GPR39: variants seen among roughly 807,000 people sequenced by gnomAD.
The protein encoded by GPR39 is zinc sensing receptor.
In GPR39, 23 loss-of-function variants were observed where a neutral mutation model predicts 18.4. The ratio of observed to expected loss-of-function variants is 1.25; its 90% CI spans 0.90 to 1.77. GPR39 has a LOEUF of 1.77. Ranked by LOEUF, GPR39 falls within the 40% of genes most tolerant of loss-of-function variation. The probability of loss-of-function intolerance (pLI) is 0.00; values close to 1 mark genes in which losing one functional copy is unlikely to be tolerated. For missense variants in GPR39, 647 were observed against 602.4 expected, an observed-to-expected ratio of 1.07 and a Z score of -0.78; for synonymous variants, 280 against 257.9, an observed-to-expected ratio of 1.09 and a Z score of -0.82.
chr2:132,574,039 TATC>T (rs1273331190), intron 1 of GPR39, among the ~76,000 whole-genome samples: 1 of 152,246 alleles, frequency 6.6e-6, no homozygotes. Flanking sequence ...ATTTTTATCA[TATC>T]ATGAACATTG....
intron 1 of GPR39, among the ~76,000 whole-genome samples, chr2:132,563,591 G>T (rs7561885): frequency 6.6e-6 from 1 of 151,766 alleles, no homozygotes; most frequent in East Asian, 1.9e-4. Context: ...GGATTATGGT[G>T]AATGTGACCA....
intron 1 of GPR39, among the ~76,000 whole-genome samples, chr2:132,462,939 CT>C (rs1446551640): frequency 1.3e-5 from 2 of 152,226 alleles, no homozygotes; most frequent in Non-Finnish European, 2.9e-5. Flanking sequence ...TGATTCTGCT[CT>C]TTTCAGCCTT....
intron 1 of GPR39, among the ~76,000 whole-genome samples, chr2:132,492,939 C>T (rs1285036751): frequency 2.2e-5 from 3 of 138,332 alleles, no homozygotes; most frequent in African/African-American, 5.4e-5. Flanking sequence ...ACCATATATA[C>T]ACACCATATA....
At chr2:132,570,796 A>G (rs1478723091) in intron 1 of GPR39, among the ~76,000 whole-genome samples, 2 of 152,138 alleles carry the variant, frequency 1.3e-5, no homozygotes, top group Admixed American at 1.3e-4. Context: ...TCCCTGAGGC[A>G]GCAGCCTAGA....
chr2:132,588,506 G>A (rs1680770745), intron 1 of GPR39, among the ~76,000 whole-genome samples: 1 of 152,318 alleles, frequency 6.6e-6, no homozygotes, highest in African/African-American at 2.4e-5. Context: ...GGGCTGACTT[G>A]ATGGCTGGGA....
intron 1 of GPR39, among the ~76,000 whole-genome samples, chr2:132,591,188 T>C (rs1203845243): frequency 7.0e-6 from 1 of 143,408 alleles, no homozygotes; most frequent in Non-Finnish European, 1.5e-5. Flanking sequence ...GAAGCGGAGC[T>C]TGCAGTGAGC....
intron 1 of GPR39, among the ~76,000 whole-genome samples, chr2:132,451,365 A>G (rs1680630686): frequency 6.6e-6 from 1 of 152,148 alleles, no homozygotes; most frequent in Non-Finnish European, 1.5e-5. Flanking sequence ...TGTCTTTCCA[A>G]TTAAATGTAA....
At chr2:132,427,818 C>T (rs527292802) in intron 1 of GPR39, among the ~76,000 whole-genome samples, 1 of 148,582 alleles carries the variant, frequency 6.7e-6, no homozygotes, top group Admixed American at 6.8e-5. Context: ...CTGCCTTAGC[C>T]TCTTGGTAGC....
chr2:132,580,613 C>A (rs1326199587), intron 1 of GPR39, among the ~76,000 whole-genome samples: 1 of 152,136 alleles, frequency 6.6e-6, no homozygotes, highest in Non-Finnish European at 1.5e-5. Context: ...GAACCAAAAG[C>A]ACTGTGTGGT....
intron 1 of GPR39, among the ~76,000 whole-genome samples, chr2:132,639,206 A>C (rs2104877364): frequency 6.6e-6 from 1 of 151,730 alleles, no homozygotes; most frequent in Non-Finnish European, 1.5e-5. Context: ...CCAGCCATCA[A>C]GAAGCAATTG....
At chr2:132,517,761 G>T (rs1300854695) in intron 1 of GPR39, among the ~76,000 whole-genome samples, 1 of 152,156 alleles carries the variant, frequency 6.6e-6, no homozygotes, top group Non-Finnish European at 1.5e-5. Flanking sequence ...ATTCAGGAAT[G>T]GTTACCTCTT....
In GPR39 at chr2:132,646,166, T is replaced by G; in HGVS notation, c.*560T>G. 6.2e-7 allele frequency: 1 copy of G among 1,611,694 alleles called. No homozygotes were observed. Among genetic ancestry groups the G allele is most frequent in the South Asian group, 1.1e-5 (1 of 90,590 alleles). On this transcript the variant is annotated 3_prime_UTR_variant, in exon 2 of 2. Coordinates refer to ENST00000329321, the MANE Select transcript of GPR39 (RefSeq NM_001508.3). ...CCTTGGCCCGTTACAAAGAGGGGTG[T>G]TGCAGCAGCTGATGCAAACTGAGTT...
At chr2:132,506,576 T>C (rs1679138536) in intron 1 of GPR39, among the ~76,000 whole-genome samples, 1 of 152,054 alleles carries the variant, frequency 6.6e-6, no homozygotes. Context: ...CCTCAGGAAA[T>C]GTACAATCAT....
intron 1 of GPR39, among the ~76,000 whole-genome samples, chr2:132,430,125 T>C (rs1468015545): frequency 1.3e-5 from 2 of 152,162 alleles, no homozygotes; most frequent in South Asian, 4.2e-4. Context: ...GGGGCACAGG[T>C]GTGGAAGTGA....
chr2:132,578,961 C>T (rs78549008), intron 1 of GPR39, among the ~76,000 whole-genome samples: 1,982 of 150,888 alleles, frequency 0.013, 48 homozygotes, highest in African/African-American at 0.045. Flanking sequence ...CATTAATTTC[C>T]TATTTCTTTC....
chr2:132,448,951 AG>A (rs1680585895), intron 1 of GPR39, among the ~76,000 whole-genome samples: 1 of 152,226 alleles, frequency 6.6e-6, no homozygotes, highest in African/African-American at 2.4e-5. Context: ...TGCAGATTTC[AG>A]CAATAAATAA....
At chr2:132,440,882 C>A (rs1300284537) in intron 1 of GPR39, among the ~76,000 whole-genome samples, 5 of 152,170 alleles carry the variant, frequency 3.3e-5, no homozygotes, top group Non-Finnish European at 7.4e-5. Flanking sequence ...TTTCCACAAC[C>A]GGTGTGTGTG....
rs1415099827 is a variant in GPR39, at chr2:132,646,001, G to T, written c.*395G>T. The T allele has an allele frequency of 8.4e-6, 12 of 1,431,888 alleles. No homozygotes were observed. The South Asian group carries it at 1.7e-4, about 20-fold the overall frequency. The allele number at this position is 1,431,888 out of a possible 1,614,324, so 88.7% of individuals were successfully genotyped here. Reference sequence around the variant, plus strand: ...CAGGGAGGTGGGGGGTTGGGGGCGAGGGCTGGAAGAACAATGCAGGAGGGG... The same window carrying T: ...CAGGGAGGTGGGGGGTTGGGGGCGATGGCTGGAAGAACAATGCAGGAGGGG... On this transcript the variant is annotated 3_prime_UTR_variant, in exon 2 of 2. Transcript: ENST00000329321.
Position 132,645,242 on chromosome 2 carries a change from T to A in GPR39, c.998T>A (p.Phe333Tyr). The A allele has an allele frequency of 1.2e-6, 2 of 1,614,162 alleles. No individual in the cohort carries two copies. The highest frequency in any genetic ancestry group is 1.7e-6 in the Non-Finnish European group (2 of 1,180,030). The change falls in exon 2 of 2, where the codon TTC (phenylalanine) becomes TAC (tyrosine). Residue 333 changes from phenylalanine (F) to tyrosine (Y), a missense_variant. Around this residue, in one of 3 missense-constraint regions of GPR39, gnomAD observed 581 missense variants for 506.8 expected, o/e 1.15. Coordinates refer to ENST00000329321, the MANE Select transcript of GPR39 (RefSeq NM_001508.3). ...MILLPFSETF[F>Y]YLSSVINPLL... ...CTCCTCCCCTTCTCGGAGACGTTTTTCTACCTCAGCTCGGTCATCAACCCG... is the reference window on the plus strand; with the variant it reads ...CTCCTCCCCTTCTCGGAGACGTTTTACTACCTCAGCTCGGTCATCAACCCG...
Sources: allele counts gnomAD v4.1 joint callset (sites outside exome capture counted in the v4.1 genomes callset), GRCh38; gene constraint gnomAD v4.1.1; regional missense constraint gnomAD v4.1.1; transcripts MANE v1.5; gene names NCBI Gene and HGNC (gene_info 2026-07-23, HGNC 2026-07-21).